The following MARCHF1 variants were observed in gnomAD, a reference collection of about 807,000 sequenced individuals.
MARCHF1 encodes the protein E3 ubiquitin-protein ligase MARCHF1.
In MARCHF1, 40 loss-of-function variants were observed where a neutral mutation model predicts 54.2. That is an observed-to-expected ratio of 0.74 (90% CI 0.57 to 0.96). MARCHF1 has a LOEUF of 0.96. Ranked by LOEUF, MARCHF1 falls within the 40% of genes least tolerant of loss-of-function variation. MARCHF1 has a pLI of 0.00. For missense variants in MARCHF1, 586 were observed against 656.5 expected (o/e 0.89, Z 1.17); for synonymous variants, 236 against 236.3 (o/e 1.00, Z 0.01).
chr4:163,943,740 A>T (rs1261904006), intron 3 of MARCHF1, among the ~76,000 whole-genome samples: 1 of 119,884 alleles, frequency 8.3e-6, no homozygotes, highest in African/African-American at 3.1e-5. Flanking sequence ...TGAACTTAAA[A>T]TAGAAGTTAA....
Position 163,987,720 on chromosome 4 carries a change from C to T in MARCHF1, c.-39+781G>A, listed in dbSNP as rs1355726383. 3.3e-5 allele frequency among the ~76,000 whole-genome samples: 5 copies of T among 152,314 alleles called. No homozygotes were observed. In the East Asian group the frequency reaches 5.8e-4, roughly 18 times the overall value. On this transcript the variant is annotated intron_variant, in intron 3 of 9. Coordinates refer to ENST00000514618, the MANE Select transcript of MARCHF1 (RefSeq NM_001394959.1). The stretch of plus-strand genomic sequence containing the variant: ...TCTCAAGCTCCCTTTTAGGGGAACA[C>T]GACAACATTTATGATATTTCCACTC...
rs1370494969 is a variant in MARCHF1 at position 163,612,932 on chromosome 4, T to G, written c.349A>C (p.Arg117=). 7.8e-6 allele frequency: 12 copies of G among 1,535,348 alleles called. No individual in the cohort carries two copies. The highest frequency in any genetic ancestry group is 1.0e-5 in the Non-Finnish European group (12 of 1,146,462). ...KESGKKSVIQ[R]PRRRRKASER... ...GAGGCTTTTCTCCTCCTCCTAGGTCTTTGTATTACTGATTTCTTACCAGAC... is the reference window on the plus strand; with the variant it reads ...GAGGCTTTTCTCCTCCTCCTAGGTCGTTGTATTACTGATTTCTTACCAGAC... Residue 117 remains arginine, a synonymous_variant, in exon 7 of 10, where the codon AGA becomes CGA. Transcript: ENST00000514618.
intron 1 of MARCHF1, among the ~76,000 whole-genome samples, chr4:164,351,932 G>A (rs2110887996): frequency 6.7e-6 from 1 of 150,220 alleles, no homozygotes; most frequent in African/African-American, 2.4e-5. Context: ...TGATGGAGCT[G>A]AAAACCAAGG....
chr4:163,830,997 T>C (rs917859577), intron 4 of MARCHF1, among the ~76,000 whole-genome samples: 1 of 152,160 alleles, frequency 6.6e-6, no homozygotes, highest in Admixed American at 6.5e-5. Flanking sequence ...TGGGGGCTCT[T>C]GTTCCAAGCA....
intron 1 of MARCHF1, among the ~76,000 whole-genome samples, chr4:164,338,843 G>T (rs189892225): frequency 6.6e-6 from 1 of 151,984 alleles, no homozygotes; most frequent in East Asian, 1.9e-4. Flanking sequence ...TTGGTGGTAC[G>T]TGCCTGTAAT....
At chr4:164,293,525 T>C (rs936109495) in intron 1 of MARCHF1, among the ~76,000 whole-genome samples, 1 of 152,378 alleles carries the variant, frequency 6.6e-6, no homozygotes, top group East Asian at 1.9e-4. Context: ...TGAATCATTC[T>C]TGCTCAAATA....
At chr4:164,117,889 A>C (rs1334795102) in intron 1 of MARCHF1, among the ~76,000 whole-genome samples, 1 of 152,020 alleles carries the variant, frequency 6.6e-6, no homozygotes, top group Non-Finnish European at 1.5e-5. Context: ...ACAGAGCAAG[A>C]CTCCATCTCA....
chr4:164,373,352 C>CTTTTTT (rs5863683), intron 1 of MARCHF1, among the ~76,000 whole-genome samples: 21 of 91,614 alleles, frequency 2.3e-4, no homozygotes, highest in East Asian at 1.0e-3. Flanking sequence ...TGAAAAACTA[C>CTTTTTT]TTTTTTTTTT....
chr4:164,187,850 G>A (rs1675802031), intron 1 of MARCHF1, among the ~76,000 whole-genome samples: 2 of 152,098 alleles, frequency 1.3e-5, no homozygotes, highest in East Asian at 3.9e-4. Context: ...AGCCTTGATG[G>A]CAGACAGCTT....
chr4:163,965,541 AC>A (rs2110823425), intron 3 of MARCHF1, among the ~76,000 whole-genome samples: 1 of 152,156 alleles, frequency 6.6e-6, no homozygotes, highest in South Asian at 2.1e-4. Context: ...TTTCTCTCTT[AC>A]AATGGGATGG....
At chr4:163,634,433 C>A (rs989282645) in intron 5 of MARCHF1, among the ~76,000 whole-genome samples, 6 of 144,460 alleles carry the variant, frequency 4.2e-5, no homozygotes, top group African/African-American at 1.6e-4. Context: ...CAAAAAAAGG[C>A]AGGGGTTGCA....
At chr4:163,541,862 AAC>A (rs1738733407) in intron 9 of MARCHF1, among the ~76,000 whole-genome samples, 1 of 152,360 alleles carries the variant, frequency 6.6e-6, no homozygotes, top group South Asian at 2.1e-4. Flanking sequence ...TTAAAGAAAT[AAC>A]AGTTTATACA....
intron 3 of MARCHF1, among the ~76,000 whole-genome samples, chr4:163,863,452 T>C (rs1210830944): frequency 2.0e-5 from 3 of 152,078 alleles, no homozygotes; most frequent in Non-Finnish European, 4.4e-5. Context: ...TGGCAGATAG[T>C]AGAAGATCGG....
chr4:163,593,597 G>A (rs1284060697), intron 7 of MARCHF1, among the ~76,000 whole-genome samples: 2 of 152,042 alleles, frequency 1.3e-5, no homozygotes, highest in Non-Finnish European at 2.9e-5. Context: ...CTAGGTGTTT[G>A]AATTTTTCTA....
chr4:164,021,124 C>CT (rs1331196710), intron 2 of MARCHF1, among the ~76,000 whole-genome samples: 9 of 144,244 alleles, frequency 6.2e-5, no homozygotes, highest in Non-Finnish European at 1.2e-4. Flanking sequence ...GAGAGGCTGA[C>CT]TTCTATGGAC....
intron 4 of MARCHF1, among the ~76,000 whole-genome samples, chr4:163,822,504 G>A (rs545135845): frequency 5.3e-5 from 8 of 151,816 alleles, no homozygotes; most frequent in South Asian, 2.1e-4. Flanking sequence ...CTTCACATAC[G>A]ATTCTTTTTA....
intron 1 of MARCHF1, among the ~76,000 whole-genome samples, chr4:164,248,315 CA>C (rs1733020363): frequency 6.6e-6 from 1 of 151,922 alleles, no homozygotes; most frequent in African/African-American, 2.4e-5. Context: ...ATTAAAAAAT[CA>C]AAATATATGC....
chr4:164,190,469 C>T (rs889603250), intron 1 of MARCHF1: 2 of 343,948 alleles, frequency 5.8e-6, no homozygotes, highest in Non-Finnish European at 5.2e-6. Flanking sequence ...ATGCTATAGC[C>T]CAAGTGGCTG....
At chr4:164,369,186 C>G (rs550214906) in intron 1 of MARCHF1, among the ~76,000 whole-genome samples, 12 of 152,260 alleles carry the variant, frequency 7.9e-5, no homozygotes, top group African/African-American at 2.9e-4. Flanking sequence ...CACGGCCAGA[C>G]GCTTCCCACT....
Sources: allele counts gnomAD v4.1 joint callset (sites outside exome capture counted in the v4.1 genomes callset), GRCh38; gene constraint gnomAD v4.1.1; transcripts MANE v1.5; gene names NCBI Gene and HGNC (gene_info 2026-07-23, HGNC 2026-07-21).